Variants in TTI1 observed in about 807,000 individuals in gnomAD.
TTI1 encodes TELO2-interacting protein 1 homolog.
Under a neutral mutation model 85.4 loss-of-function variants are expected in TTI1, and 52 were observed. That is an observed-to-expected ratio of 0.61 (90% CI 0.49 to 0.77). TTI1 has a LOEUF of 0.77. Among genes scored for constraint, TTI1 ranks in the 30% least tolerant of loss-of-function variants. The probability of loss-of-function intolerance (pLI) is 0.00; values close to 1 mark genes in which losing one functional copy is unlikely to be tolerated. For missense variants in TTI1, 1,173 were observed against 1,296.0 expected (o/e 0.91, Z 1.46); for synonymous variants, 512 against 503.9 (o/e 1.02, Z -0.22).
intron 7 of TTI1, 144 bp from the exon 8 acceptor site, chr20:37,983,783 C>G: frequency 6.2e-6 from 5 of 811,450 alleles, no homozygotes; most frequent in Non-Finnish European, 8.7e-6. Context: ...TAGAAAAAAC[C>G]CACTTGAGTT....
intron 2 of TTI1, among the ~76,000 whole-genome samples, chr20:38,007,664 C>T (rs1300914248): frequency 2.0e-5 from 3 of 152,220 alleles, no homozygotes; most frequent in African/African-American, 7.2e-5. Context: ...TTGCAGACAG[C>T]TGGGAAAAAA....
chr20:37,988,902 C>G (rs1364610054), intron 7 of TTI1, among the ~76,000 whole-genome samples: 1 of 152,198 alleles, frequency 6.6e-6, no homozygotes, highest in Non-Finnish European at 1.5e-5. Flanking sequence ...TCCCATCACT[C>G]TGTGCATGCT....
In TTI1 at chr20:37,999,223, G is replaced by A. The variant is rs780927324; in HGVS notation, c.2758C>T (p.Arg920Trp). The change falls in exon 5 of 8, where the codon CGG becomes TGG. Residue 920 changes from arginine (R) to tryptophan (W), a missense_variant. Transcript: ENST00000373447. ...CTAAGCACTGCCAGGGGGGCGTCCC[G>A]TGTGAGTCGGTGAACGAGCGAGGGC... is the stretch of plus-strand genomic sequence containing the variant. ...AWPSLVHRLT[R>W]DAPLAVLRAF... 160 of 1,511,510 alleles carry A rather than the reference G, an allele frequency of 1.1e-4. No homozygotes were observed. Among genetic ancestry groups the A allele is most frequent in the South Asian group, 1.8e-4 (14 of 75,692 alleles). The allele number at this position is 1,511,510 out of a possible 1,614,324, so 93.6% of individuals were successfully genotyped here.
chr20:38,009,291 AT>A (rs2073546571), intron 2 of TTI1, among the ~76,000 whole-genome samples: 1 of 152,120 alleles, frequency 6.6e-6, no homozygotes, highest in African/African-American at 2.4e-5. Context: ...GGTCTTATTC[AT>A]GGCTGACTCC....
intron 1 of TTI1, among the ~76,000 whole-genome samples, chr20:38,022,182 G>T (rs1335614670): frequency 6.6e-6 from 1 of 152,208 alleles, no homozygotes; most frequent in African/African-American, 2.4e-5. Flanking sequence ...CCATTCAGAT[G>T]AAATCATTTG....
At chr20:38,018,243 A>T (rs902620297) in intron 1 of TTI1, among the ~76,000 whole-genome samples, 5 of 152,218 alleles carry the variant, frequency 3.3e-5, no homozygotes, top group Non-Finnish European at 7.3e-5. Flanking sequence ...AGACCAAAGT[A>T]AATGAAAGGA....
At position 38,011,616 on chromosome 20, in the gene TTI1, A is replaced by G. The variant is rs1304570564; in HGVS notation, c.2201T>C (p.Val734Ala). The G allele has an allele frequency of 6.2e-7, 1 of 1,614,224 alleles. No homozygotes were observed. Among genetic ancestry groups the G allele is most frequent in the South Asian group, 1.1e-5 (1 of 91,084 alleles). ...RNSDANLLPL[V>A]ADVVQDVLAT... ...CAAGACATCTTGAACCACATCTGCC[A>G]CCAAAGGAAGCAGGTTAGCATCTGA... is the stretch of plus-strand genomic sequence containing the variant. The change falls in exon 2 of 8, where the codon GTG becomes GCG. Residue 734 changes from valine to alanine, a missense_variant. Coordinates refer to ENST00000373447, the MANE Select transcript of TTI1 (RefSeq NM_001303457.2).
intron 7 of TTI1, among the ~76,000 whole-genome samples, chr20:37,995,638 CA>C (rs1246511877): frequency 2.0e-5 from 3 of 152,226 alleles, no homozygotes; most frequent in Non-Finnish European, 4.4e-5. Context: ...AGAAGAGGGG[CA>C]GAGTAGATTT....
At chr20:38,033,248 T>C (rs1378583647) in intron 1 of TTI1, among the ~76,000 whole-genome samples, 156 bp downstream of exon 1, 2 of 152,046 alleles carry the variant, frequency 1.3e-5, no homozygotes, top group African/African-American at 2.4e-5. Context: ...CGAACACATA[T>C]GGAGGAAAGA....
chr20:37,986,472 T>C (rs548913830), intron 7 of TTI1, among the ~76,000 whole-genome samples: 1 of 152,366 alleles, frequency 6.6e-6, no homozygotes, highest in Admixed American at 6.5e-5. Flanking sequence ...CACCTTCTTT[T>C]ATTAAGCAAG....
chr20:38,012,272 AGATT>A lies in TTI1; in HGVS notation c.1541_1544del (p.Gln514LeufsTer10). ...TGGCAGCTTGCTTCCGGTAAACCAC[AGATT>A]GATGGTAAAGTTCCATAAAGTGATC... On this transcript the variant is annotated frameshift_variant, in exon 2 of 8. Coordinates refer to ENST00000373447, the MANE Select transcript of TTI1 (RefSeq NM_001303457.2). LOFTEE classifies it high-confidence loss of function. 1 of 1,614,258 alleles carries A rather than the reference AGATT, an allele frequency of 6.2e-7. No individual in the cohort carries two copies. The highest frequency in any genetic ancestry group is 8.5e-7 in the Non-Finnish European group (1 of 1,180,050).
intron 1 of TTI1, among the ~76,000 whole-genome samples, chr20:38,029,740 A>G (rs1568634458): frequency 6.6e-6 from 1 of 152,186 alleles, no homozygotes; most frequent in Non-Finnish European, 1.5e-5. Flanking sequence ...TTGAAATTTA[A>G]TTCCCAATGT....
chr20:38,011,688 G>C lies in TTI1; in HGVS notation c.2129C>G (p.Ala710Gly), dbSNP rs768158225. 1.9e-6 allele frequency: 3 copies of C among 1,614,232 alleles called. No homozygotes were observed. In the South Asian group the frequency reaches 3.3e-5, roughly 18 times the overall value. ...GACCTTTGGGGTATGAGGATGCAGA[G>C]CCAGATGACGCAGATTTAAAGAGAT... is the stretch of plus-strand genomic sequence containing the variant. Reference protein sequence around the residue: ...NGISLNLRHLALHPHTPKVLE... With the variant: ...NGISLNLRHLGLHPHTPKVLE... Residue 710 changes from alanine to glycine, a missense_variant, in exon 2 of 8, where the codon GCT becomes GGT. Transcript: ENST00000373447.
At chr20:38,019,902 G>T (rs1325492945) in intron 1 of TTI1, among the ~76,000 whole-genome samples, 3 of 152,174 alleles carry the variant, frequency 2.0e-5, no homozygotes, top group Non-Finnish European at 4.4e-5. Context: ...AATGTCTCCA[G>T]ACATTGCTAG....
intron 1 of TTI1, among the ~76,000 whole-genome samples, chr20:38,027,427 T>C (rs8117693): frequency 0.015 from 2,359 of 152,302 alleles, 54 homozygotes; most frequent in African/African-American, 0.055. Flanking sequence ...TTGAACAATG[T>C]GGGGGTTAGG....
At chr20:38,009,164 T>C (rs76793982) in intron 2 of TTI1, among the ~76,000 whole-genome samples, 2 of 152,156 alleles carry the variant, frequency 1.3e-5, no homozygotes, top group Admixed American at 6.5e-5. Context: ...AATTGAAACA[T>C]AGCATAGGTC....
chr20:38,018,154 T>A (rs1290264710), intron 1 of TTI1, among the ~76,000 whole-genome samples: 1 of 152,176 alleles, frequency 6.6e-6, no homozygotes, highest in East Asian at 1.9e-4. Context: ...AGCAGACCTA[T>A]GGATGGCCCA....
rs757362612 is a variant in TTI1 at position 38,012,499 on chromosome 20, C to A, written c.1318G>T (p.Val440Leu). Residue 440 changes from valine to leucine, a missense_variant, in exon 2 of 8, where the codon GTG (valine) becomes TTG (leucine). Transcript: ENST00000373447. ...TCCTCAACAATCTTGATGTCAGCCA[C>A]GTCTAGCTCTAGAACTTGGATGAGT... is the stretch of plus-strand genomic sequence containing the variant. The part of the protein sequence containing the change: ...KALIQVLELD[V>L]ADIKIVEERR... 1 of 1,614,066 alleles carries A rather than the reference C, an allele frequency of 6.2e-7. No homozygotes were observed. The highest frequency in any genetic ancestry group is 8.5e-7 in the Non-Finnish European group (1 of 1,180,038).
chr20:37,987,623 G>A (rs1051134517), intron 7 of TTI1, among the ~76,000 whole-genome samples: 17 of 152,230 alleles, frequency 1.1e-4, no homozygotes, highest in Non-Finnish European at 2.2e-4. Flanking sequence ...CCTGAGGCGA[G>A]TGATTATCTC....
Sources: gnomAD v4.1 joint callset for allele counts (sites outside exome capture counted in the v4.1 genomes callset) on GRCh38, gnomAD v4.1.1 for gene constraint, MANE v1.5 for transcripts, NCBI Gene and HGNC (gene_info 2026-07-23, HGNC 2026-07-21) for gene names.